The following PRH1 variants were observed in gnomAD, a reference collection of about 807,000 sequenced individuals.
The protein encoded by PRH1 is salivary acidic proline-rich phosphoprotein 1/2.
Under a neutral mutation model 7.9 loss-of-function variants are expected in PRH1, and 7 were observed. The ratio of observed to expected loss-of-function variants is 0.89; its 90% confidence interval spans 0.50 to 1.67. The LOEUF is 1.67. PRH1 is among the 40% of genes most tolerant of loss of function. PRH1 has a pLI of 0.00. For synonymous variants in PRH1, 45 were observed against 80.8 expected, an observed-to-expected ratio of 0.56 and a Z score of 2.38; for missense variants, 109 against 223.6, an observed-to-expected ratio of 0.49 and a Z score of 3.27.
chr12:11,152,618 T>C (rs1056869374), intron 1 of PRH1, among the ~76,000 whole-genome samples: 4 of 152,200 alleles, frequency 2.6e-5, no homozygotes, highest in African/African-American at 9.7e-5. Flanking sequence ...GAGATGACAG[T>C]AGATTGGATT....
intron 1 of PRH1, among the ~76,000 whole-genome samples, chr12:11,150,432 A>C: frequency 6.6e-6 from 1 of 152,172 alleles, no homozygotes; most frequent in Non-Finnish European, 1.5e-5. Context: ...AATGTCCAAC[A>C]ATGATAGACT....
intron 1 of PRH1, among the ~76,000 whole-genome samples, chr12:11,170,658 A>C (rs1947805483): frequency 6.6e-6 from 1 of 152,266 alleles, no homozygotes; most frequent in African/African-American, 2.4e-5. Flanking sequence ...TGAAGCTTCC[A>C]CAGCTAATCT....
At chr12:11,141,888 A>G (rs1179903552) in intron 1 of PRH1, among the ~76,000 whole-genome samples, 4 of 152,158 alleles carry the variant, frequency 2.6e-5, no homozygotes, top group African/African-American at 9.7e-5. Context: ...TTTGGGCCCA[A>G]GTGGTCCTCC....
chr12:11,119,539 A>C (rs1439964971), downstream of PRH1, among the ~76,000 whole-genome samples: 1 of 152,204 alleles, frequency 6.6e-6, no homozygotes, highest in Non-Finnish European at 1.5e-5. Flanking sequence ...TACTCAATAC[A>C]GACCTACTAT....
At chr12:10,955,600 T>C (rs1349760917) in intron 2 of PRH1, among the ~76,000 whole-genome samples, 2 of 149,892 alleles carry the variant, frequency 1.3e-5, no homozygotes, top group Non-Finnish European at 3.0e-5. Flanking sequence ...CTGAAGGAAA[T>C]TGTGATTAAA....
chr12:10,901,100 G>C (rs1949717060), intron 2 of PRH1, among the ~76,000 whole-genome samples: 1 of 152,188 alleles, frequency 6.6e-6, no homozygotes, highest in Non-Finnish European at 1.5e-5. Context: ...ACACAGACTG[G>C]CAACCTGTGC....
At chr12:11,086,339 C>CCT (rs201992933) in intron 1 of PRH1, among the ~76,000 whole-genome samples, 1 of 114,606 alleles carries the variant, frequency 8.7e-6, no homozygotes, top group African/African-American at 3.1e-5. Flanking sequence ...ACTTAAAAAA[C>CCT]GTGTTCCATT....
intron 1 of PRH1, chr12:11,030,784 G>A: frequency 6.2e-7 from 1 of 1,614,160 alleles, no homozygotes; most frequent in Non-Finnish European, 8.5e-7. Flanking sequence ...AGGGCACTAA[G>A]TTTCCTAGCG....
intron 2 of PRH1, among the ~76,000 whole-genome samples, chr12:10,933,760 C>T (rs1950246559): frequency 1.3e-5 from 2 of 151,990 alleles, no homozygotes; most frequent in African/African-American, 4.8e-5. Flanking sequence ...TGTGTATCTG[C>T]AACACCCTGA....
At chr12:11,003,284 CT>C (rs2136024014) in intron 1 of PRH1, among the ~76,000 whole-genome samples, 1 of 151,928 alleles carries the variant, frequency 6.6e-6, no homozygotes, top group East Asian at 1.9e-4. Context: ...CTTAATATTT[CT>C]GCTTTTAAAA....
chr12:10,909,869 T>C (rs541765884), intron 2 of PRH1, among the ~76,000 whole-genome samples: 15 of 152,330 alleles, frequency 9.8e-5, no homozygotes, highest in East Asian at 3.9e-4. Context: ...TGGTCAATAC[T>C]GTGACTAAAG....
chr12:10,950,612 A>G (rs1028122279), intron 2 of PRH1, among the ~76,000 whole-genome samples: 3 of 151,710 alleles, frequency 2.0e-5, no homozygotes, highest in Admixed American at 2.0e-4. Context: ...TGAAGTTTCA[A>G]ATTCTCTTTT....
At chr12:10,931,017 A>C (rs1418423082) in intron 2 of PRH1, 6 of 1,593,898 alleles carry the variant, frequency 3.8e-6, no homozygotes, top group Non-Finnish European at 5.1e-6. Context: ...CACCTCCCCA[A>C]GGGGGCCGCC....
chr12:11,065,318 A>C (rs1051300438), intron 1 of PRH1, among the ~76,000 whole-genome samples: 1 of 151,888 alleles, frequency 6.6e-6, no homozygotes, highest in Non-Finnish European at 1.5e-5. Context: ...ATCTTGTCTG[A>C]AGTTTGATGG....
chr12:10,882,813 C>A, intron 2 of PRH1, 115 bp from the exon 3 acceptor site: 9 of 1,509,606 alleles, frequency 6.0e-6, no homozygotes, highest in Non-Finnish European at 8.0e-6. Context: ...CCTCTCAACT[C>A]CCAACCTCCC....
At chr12:10,923,990 G>GTTTTTTTTTTTTTTTTTT (rs35612831) in intron 2 of PRH1, among the ~76,000 whole-genome samples, 1 of 89,458 alleles carries the variant, frequency 1.1e-5, no homozygotes, top group Non-Finnish European at 1.9e-5. Flanking sequence ...TTCTCCATCT[G>GTTTTTTTTTTTTTTTTTT]TTTTTTTTTT....
chr12:11,120,407 G>C (rs915594229), downstream of PRH1, among the ~76,000 whole-genome samples: 1 of 152,126 alleles, frequency 6.6e-6, no homozygotes, highest in African/African-American at 2.4e-5. Context: ...CCCTTTTCTG[G>C]ACTTCTCCTT....
At chr12:10,938,384 C>T (rs746710545) in intron 2 of PRH1, 2 of 1,613,906 alleles carry the variant, frequency 1.2e-6, no homozygotes, top group Admixed American at 1.7e-5. Context: ...ACATGAGTGA[C>T]ATGAAGGATA....
chr12:10,938,597 GA>G (rs1415805521), intron 2 of PRH1: 1 of 1,613,924 alleles, frequency 6.2e-7, no homozygotes, highest in South Asian at 1.1e-5. Flanking sequence ...TTTCCACATG[GA>G]GAAGATGAGG....
Sources: allele counts gnomAD v4.1 joint callset (sites outside exome capture counted in the v4.1 genomes callset), GRCh38; gene constraint gnomAD v4.1.1; transcripts MANE v1.5; gene names NCBI Gene and HGNC (gene_info 2026-07-23, HGNC 2026-07-21).